The following TP63 variants were observed in gnomAD, a reference collection of about 807,000 sequenced individuals.
TP63 encodes the protein tumor protein p63, also known as tumor protein 63.
Under a neutral mutation model 82.8 loss-of-function variants are expected in TP63, and 17 were observed. That is an observed-to-expected ratio of 0.21 (90% CI 0.14 to 0.31). The LOEUF is 0.31. Among genes scored for constraint, TP63 ranks in the 10% least tolerant of loss-of-function variants. TP63 has a pLI of 1.00. For missense variants in TP63, 648 were observed against 895.3 expected (o/e 0.72, Z 3.52); for synonymous variants, 330 against 321.7 (o/e 1.03, Z -0.28).
intron 4 of TP63, among the ~76,000 whole-genome samples, chr3:189,853,948 C>G (rs1247053138): frequency 1.3e-5 from 2 of 152,126 alleles, no homozygotes. Flanking sequence ...CTGTGAGCAA[C>G]TTGAGGATAA....
chr3:189,694,790 C>CTTTTTTTTTTTTTCTTTTTT (rs1717226090), intron 1 of TP63, among the ~76,000 whole-genome samples: 1 of 32,730 alleles, frequency 3.1e-5, no homozygotes, highest in Non-Finnish European at 5.4e-5. Context: ...TATTTACAGC[C>CTTTTTTTTTTTTTCTTTTTT]TTTTTTTTTT....
At chr3:189,597,474 A>C in the TP63 span, among the ~76,000 whole-genome samples, 1 of 152,242 alleles carries the variant, frequency 6.6e-6, no homozygotes. Flanking sequence ...ATTATGTAGA[A>C]TCTCAAAGAT....
At chr3:189,604,382 C>A in the TP63 span, among the ~76,000 whole-genome samples, 1 of 152,212 alleles carries the variant, frequency 6.6e-6, no homozygotes, top group Middle Eastern at 3.4e-3. Flanking sequence ...AAAATATGAC[C>A]TTACTCTTCT....
intron 4 of TP63, among the ~76,000 whole-genome samples, chr3:189,843,301 G>C (rs1560247279): frequency 6.6e-6 from 1 of 152,230 alleles, no homozygotes; most frequent in Non-Finnish European, 1.5e-5. Flanking sequence ...GCTCCTGGCT[G>C]GTCCTCACGG....
chr3:189,665,414 T>C (rs1171823624), intron 1 of TP63, among the ~76,000 whole-genome samples: 1 of 152,132 alleles, frequency 6.6e-6, no homozygotes, highest in East Asian at 1.9e-4. Flanking sequence ...CCTGATAAGC[T>C]ACTTTTTGTC....
the TP63 span, among the ~76,000 whole-genome samples, chr3:189,612,370 G>A: frequency 4.6e-5 from 7 of 151,952 alleles, no homozygotes; most frequent in African/African-American, 1.7e-4. Flanking sequence ...CTTTATCAGG[G>A]GTTTCCACTT....
the TP63 span, among the ~76,000 whole-genome samples, chr3:189,622,958 T>A: frequency 2.0e-5 from 3 of 152,136 alleles, no homozygotes; most frequent in Non-Finnish European, 4.4e-5. Flanking sequence ...ATTTCTAAGA[T>A]TTTTTTTCTA....
chr3:189,841,682 G>A (rs1714141459), intron 4 of TP63, among the ~76,000 whole-genome samples: 1 of 152,158 alleles, frequency 6.6e-6, no homozygotes, highest in South Asian at 2.1e-4. Context: ...CAGAATGAAT[G>A]GTTTCTGAAC....
chr3:189,780,753 C>T (rs1724167955), intron 3 of TP63, among the ~76,000 whole-genome samples: 1 of 152,162 alleles, frequency 6.6e-6, no homozygotes, highest in South Asian at 2.1e-4. Flanking sequence ...GGAGAGCTGC[C>T]AGTCCATGCT....
intron 1 of TP63, among the ~76,000 whole-genome samples, chr3:189,638,429 C>T (rs1204202307): frequency 6.6e-6 from 1 of 152,010 alleles, no homozygotes; most frequent in African/African-American, 2.4e-5. Context: ...GACAAGCTAG[C>T]CCGGGGACTG....
At chr3:189,690,737 T>C (rs1370159821) in intron 1 of TP63, among the ~76,000 whole-genome samples, 2 of 152,230 alleles carry the variant, frequency 1.3e-5, no homozygotes, top group African/African-American at 4.8e-5. Flanking sequence ...TCAATGTGGG[T>C]ATCACTCATT....
rs987439273 is a variant in TP63, at chr3:189,889,268, C to G, written c.1508-72C>G. 8 of 1,609,850 alleles carry G rather than the reference C, an allele frequency of 5.0e-6. No individual in the cohort carries two copies. The African/African-American group carries it at 1.1e-4, about 22-fold the overall frequency. On this transcript the variant is annotated intron_variant, in intron 11 of 13. Coordinates refer to ENST00000264731, the MANE Select transcript of TP63 (RefSeq NM_003722.5). ...AGGCCCTTGATAAAATTTAACCAGA[C>G]AAGATGGACCACTGGGATGCTGGTA... is the stretch of plus-strand genomic sequence containing the variant.
chr3:189,891,523 A>C (rs1052660484), intron 13 of TP63, among the ~76,000 whole-genome samples: 6 of 152,186 alleles, frequency 3.9e-5, no homozygotes, highest in African/African-American at 1.4e-4. Flanking sequence ...ATCAATGGCT[A>C]TGGGGTCAAA....
At chr3:189,721,368 C>T (rs1350962290) in intron 1 of TP63, among the ~76,000 whole-genome samples, 1 of 151,968 alleles carries the variant, frequency 6.6e-6, no homozygotes, top group Non-Finnish European at 1.5e-5. Context: ...CAATAACCTT[C>T]TATTACACAT....
intron 13 of TP63, among the ~76,000 whole-genome samples, chr3:189,893,040 A>G (rs1721177658): frequency 6.6e-6 from 1 of 152,208 alleles, no homozygotes; most frequent in African/African-American, 2.4e-5. Context: ...CTTTTATCTT[A>G]GAGCCAGTCT....
At chr3:189,843,098 A>G (rs1311917119) in intron 4 of TP63, among the ~76,000 whole-genome samples, 2 of 152,222 alleles carry the variant, frequency 1.3e-5, no homozygotes, top group Non-Finnish European at 2.9e-5. Flanking sequence ...CCCCTTCCCA[A>G]GGTGGGTGCC....
chr3:189,890,158 G>C (rs752536125), intron 12 of TP63, among the ~76,000 whole-genome samples: 5 of 152,150 alleles, frequency 3.3e-5, no homozygotes, highest in Non-Finnish European at 5.9e-5. Context: ...TTTGGCTACT[G>C]GAACGATTTG....
intron 1 of TP63, among the ~76,000 whole-genome samples, chr3:189,716,880 C>G (rs902246803): frequency 4.6e-5 from 7 of 151,816 alleles, no homozygotes; most frequent in Non-Finnish European, 1.0e-4. Context: ...CTCATTGCAG[C>G]CTCCACCTCT....
chr3:189,880,528 T>G, intron 10 of TP63: 2 of 993,836 alleles, frequency 2.0e-6, no homozygotes, highest in Middle Eastern at 5.1e-4. Context: ...CTTTTCTGTC[T>G]TCTTCTGTTG....
Sources: allele counts gnomAD v4.1 joint callset (sites outside exome capture counted in the v4.1 genomes callset), GRCh38; gene constraint gnomAD v4.1.1; transcripts MANE v1.5; gene names NCBI Gene and HGNC (gene_info 2026-07-23, HGNC 2026-07-21).